Variants in PDE1C observed in about 807,000 individuals in gnomAD.
PDE1C encodes dual specificity calcium/calmodulin-dependent 3',5'-cyclic nucleotide phosphodiesterase 1C.
A neutral mutation model predicts 93.1 loss-of-function variants in PDE1C; 62 were observed. The observed-to-expected ratio is 0.67, with a 90% CI of 0.54 to 0.82. The LOEUF is 0.82. PDE1C is among the 40% of genes least tolerant of loss of function. PDE1C has a pLI of 0.00. For synonymous variants in PDE1C, 325 were observed against 310.1 expected (o/e 1.05, Z -0.50); for missense variants, 742 against 884.6 (o/e 0.84, Z 2.04).
intron 2 of PDE1C, among the ~76,000 whole-genome samples, chr7:32,037,712 G>C (rs1791292558): frequency 6.6e-6 from 1 of 152,090 alleles, no homozygotes; most frequent in African/African-American, 2.4e-5. Flanking sequence ...GAAATTACCT[G>C]TCTGGGTCCT....
chr7:32,179,409 C>T (rs965057874), intron 2 of PDE1C, among the ~76,000 whole-genome samples: 7 of 151,920 alleles, frequency 4.6e-5, no homozygotes, highest in African/African-American at 1.5e-4. Flanking sequence ...TACAGACGTC[C>T]GCCACCATGC....
intron 2 of PDE1C, among the ~76,000 whole-genome samples, chr7:32,191,039 T>C (rs575418800): frequency 6.6e-6 from 1 of 152,256 alleles, no homozygotes; most frequent in South Asian, 2.1e-4. Context: ...GCTTAAATGG[T>C]GAATTACTGC....
chr7:32,262,539 G>A (rs973612161), intron 1 of PDE1C, among the ~76,000 whole-genome samples: 2 of 152,212 alleles, frequency 1.3e-5, no homozygotes, highest in African/African-American at 4.8e-5. Flanking sequence ...GAGAACATCT[G>A]GCACACAGGG....
At chr7:31,863,205 G>A (rs1199937279) in intron 7 of PDE1C, among the ~76,000 whole-genome samples, 1 of 151,940 alleles carries the variant, frequency 6.6e-6, no homozygotes, top group African/African-American at 2.4e-5. Flanking sequence ...GCTCTTTATA[G>A]GTGATTTATA....
intron 1 of PDE1C, among the ~76,000 whole-genome samples, chr7:32,367,053 T>G (rs905820781): frequency 7.9e-5 from 12 of 151,342 alleles, no homozygotes; most frequent in Non-Finnish European, 1.5e-5. Context: ...AAAAGAGAAG[T>G]CTGCCAGTCA....
At chr7:31,794,041 TAGAC>T (rs71559203) in intron 16 of PDE1C, among the ~76,000 whole-genome samples, 3,897 of 88,610 alleles carry the variant, frequency 0.044, 94 homozygotes, top group African/African-American at 0.07. Context: ...GATAGATAGA[TAGAC>T]AGACAGACAG....
intron 1 of PDE1C, among the ~76,000 whole-genome samples, chr7:32,333,977 A>C (rs954118605): frequency 3.9e-5 from 6 of 152,228 alleles, no homozygotes; most frequent in Non-Finnish European, 5.9e-5. Flanking sequence ...AAAGCAAAGC[A>C]GATAAAGGAG....
chr7:32,013,415 G>T (rs1045009194), intron 2 of PDE1C, among the ~76,000 whole-genome samples: 2 of 152,174 alleles, frequency 1.3e-5, no homozygotes, highest in African/African-American at 4.8e-5. Context: ...CAGCAGTTTT[G>T]CCACAAGAAT....
At chr7:31,980,596 G>C (rs1236284344) in intron 2 of PDE1C, among the ~76,000 whole-genome samples, 1 of 152,170 alleles carries the variant, frequency 6.6e-6, no homozygotes, top group Non-Finnish European at 1.5e-5. Context: ...CTTGCTTCCT[G>C]ACTATGTCAG....
At chr7:31,838,412 T>A (rs73092427) in intron 9 of PDE1C, among the ~76,000 whole-genome samples, 1 of 152,204 alleles carries the variant, frequency 6.6e-6, no homozygotes, top group African/African-American at 2.4e-5. Context: ...AAAATTGAGC[T>A]TATAGTATAG....
intron 2 of PDE1C, among the ~76,000 whole-genome samples, chr7:31,888,799 GGA>G (rs1238163923): frequency 4.0e-5 from 6 of 151,298 alleles, no homozygotes; most frequent in African/African-American, 1.5e-4. Flanking sequence ...ACATAGGACT[GGA>G]AAAAAATAAT....
intron 2 of PDE1C, among the ~76,000 whole-genome samples, chr7:32,014,270 T>C (rs1275002886): frequency 6.7e-6 from 1 of 148,922 alleles, no homozygotes; most frequent in African/African-American, 2.5e-5. Flanking sequence ...AGTAAGAAGA[T>C]AGTCTGAAAA....
intron 2 of PDE1C, among the ~76,000 whole-genome samples, chr7:32,007,766 A>C (rs1786479031): frequency 6.6e-6 from 1 of 152,006 alleles, no homozygotes; most frequent in African/African-American, 2.4e-5. Flanking sequence ...CAGCATGGAA[A>C]CTCAAATAAA....
At chr7:31,807,962 C>T (rs1355781022) in intron 16 of PDE1C, among the ~76,000 whole-genome samples, 1 of 151,818 alleles carries the variant, frequency 6.6e-6, no homozygotes, top group African/African-American at 2.4e-5. Context: ...ATGTGTTCCC[C>T]AGGTATTATG....
chr7:32,396,296 T>G (rs546210097), intron 1 of PDE1C, among the ~76,000 whole-genome samples: 1 of 151,994 alleles, frequency 6.6e-6, no homozygotes, highest in Non-Finnish European at 1.5e-5. Context: ...CAGGGCAACA[T>G]GGCAAAACCC....
intron 2 of PDE1C, among the ~76,000 whole-genome samples, chr7:31,902,548 T>C (rs1167357252): frequency 6.6e-6 from 1 of 151,838 alleles, no homozygotes; most frequent in African/African-American, 2.4e-5. Context: ...TATCCTTTGA[T>C]TTAAAAATTT....
At chr7:31,777,788 A>G (rs937738435) in intron 16 of PDE1C, among the ~76,000 whole-genome samples, 2 of 152,132 alleles carry the variant, frequency 1.3e-5, no homozygotes, top group African/African-American at 4.8e-5. Flanking sequence ...AATAGCTCAG[A>G]CCTACAAAAA....
intron 2 of PDE1C, among the ~76,000 whole-genome samples, chr7:32,183,464 T>G (rs1302415985): frequency 6.6e-6 from 1 of 151,932 alleles, no homozygotes; most frequent in Non-Finnish European, 1.5e-5. Flanking sequence ...TATAGACAAA[T>G]GGAACAGAAC....
the PDE1C span, among the ~76,000 whole-genome samples, chr7:31,687,486 G>A: frequency 1.3e-5 from 2 of 152,206 alleles, no homozygotes; most frequent in African/African-American, 4.8e-5. Context: ...TTCTTCCAAG[G>A]GAGGGAATGG....
Sources: allele counts gnomAD v4.1 joint callset (sites outside exome capture counted in the v4.1 genomes callset), GRCh38; gene constraint gnomAD v4.1.1; transcripts MANE v1.5; gene names NCBI Gene and HGNC (gene_info 2026-07-23, HGNC 2026-07-21).